The following HMBOX1 variants were observed in gnomAD, a reference collection of about 807,000 sequenced individuals.
HMBOX1 encodes the protein homeobox-containing protein 1.
HMBOX1 carries 14 observed loss-of-function variants against 54.5 expected under a neutral mutation model. The ratio of observed to expected loss-of-function variants is 0.26; its 90% confidence interval spans 0.17 to 0.40. The LOEUF (loss-of-function observed/expected upper bound fraction) is 0.40, where lower values mean the gene tolerates loss of function less well. Among genes scored for constraint, HMBOX1 ranks in the 10% least tolerant of loss-of-function variants. The probability of loss-of-function intolerance (pLI) is 1.00; values close to 1 mark genes in which losing one functional copy is unlikely to be tolerated. For missense variants in HMBOX1, 332 were observed against 514.4 expected, an observed-to-expected ratio of 0.65 and a Z score of 3.43; for synonymous variants, 160 against 181.0, an observed-to-expected ratio of 0.88 and a Z score of 0.93.
intron 4 of HMBOX1, among the ~76,000 whole-genome samples, chr8:28,985,924 C>A (rs1415180193): frequency 6.8e-6 from 1 of 147,686 alleles, no homozygotes; most frequent in Non-Finnish European, 1.5e-5. Flanking sequence ...TGTCAATGAA[C>A]CTACACTGAC....
chr8:29,048,745 G>C, intron 8 of HMBOX1: 2 of 509,604 alleles, frequency 3.9e-6, no homozygotes, highest in South Asian at 2.9e-5. Context: ...CAGCAGCAGA[G>C]ACCCCAGAAT....
At chr8:28,980,837 G>A (rs971351222) in intron 4 of HMBOX1, among the ~76,000 whole-genome samples, 2 of 151,774 alleles carry the variant, frequency 1.3e-5, no homozygotes, top group Non-Finnish European at 2.9e-5. Flanking sequence ...AAAGTAACTG[G>A]GCATTAGTCG....
At chr8:28,962,989 C>G (rs1586128640) in intron 1 of HMBOX1, among the ~76,000 whole-genome samples, 5 of 152,024 alleles carry the variant, frequency 3.3e-5, no homozygotes, top group Non-Finnish European at 5.9e-5. Context: ...TATATTTTAA[C>G]TGAATTTGAG....
At chr8:28,984,992 G>T (rs1829957242) in intron 4 of HMBOX1, among the ~76,000 whole-genome samples, 1 of 152,172 alleles carries the variant, frequency 6.6e-6, no homozygotes, top group Non-Finnish European at 1.5e-5. Context: ...GTAGTATAAT[G>T]AAGAAGTAAC....
At chr8:28,960,369 A>G (rs1563471228) in intron 1 of HMBOX1, among the ~76,000 whole-genome samples, 1 of 151,566 alleles carries the variant, frequency 6.6e-6, no homozygotes, top group Non-Finnish European at 1.5e-5. Flanking sequence ...ATAAGTAGTT[A>G]TTTTTGTACA....
At chr8:29,048,137 A>ATATT (rs1183785354) in intron 8 of HMBOX1, among the ~76,000 whole-genome samples, 2 of 152,192 alleles carry the variant, frequency 1.3e-5, no homozygotes, top group Admixed American at 6.5e-5. Context: ...TATGACTTAA[A>ATATT]TATTAGGAAA....
chr8:29,051,284 C>T lies in HMBOX1; in HGVS notation c.*129C>T. On this transcript the variant is annotated 3_prime_UTR_variant, in exon 10 of 10. Transcript: ENST00000287701. ...TTGTATGTCAGGTAGCTGTTAGGGT[C>T]TTGTTCTGTGAAGATGGCATGGTGC... 1.0e-6 allele frequency: 1 copy of T among 996,544 alleles called. No homozygotes were observed. Among genetic ancestry groups the T allele is most frequent in the Middle Eastern group, 2.3e-4 (1 of 4,340 alleles). 61.7% of individuals were successfully genotyped at this position (996,544 alleles called of 1,614,324 possible). A position where few individuals can be genotyped will look rare whatever the true frequency, so the allele number is the denominator to read the frequency against.
chr8:28,907,414 G>C (rs1236153917), intron 1 of HMBOX1, among the ~76,000 whole-genome samples: 5 of 152,240 alleles, frequency 3.3e-5, no homozygotes, highest in Middle Eastern at 3.4e-3. Flanking sequence ...TTAGTTCATT[G>C]TGCTCAAATA....
At chr8:28,963,775 A>G (rs1825987094) in intron 1 of HMBOX1, 36 bp from the exon 2 acceptor site, 1 of 1,040,406 alleles carries the variant, frequency 9.6e-7, no homozygotes, top group Non-Finnish European at 1.4e-6. Context: ...CTTGATTAAC[A>G]TAAATGTTTC....
intron 5 of HMBOX1, among the ~76,000 whole-genome samples, chr8:29,014,505 TAG>T (rs1834703114): frequency 6.6e-6 from 1 of 152,186 alleles, no homozygotes; most frequent in Non-Finnish European, 1.5e-5. Flanking sequence ...CTGTTATTAA[TAG>T]AGTGTTTCCA....
chr8:28,930,846 A>G (rs28692627), intron 1 of HMBOX1, among the ~76,000 whole-genome samples: 4,383 of 152,180 alleles, frequency 0.029, 199 homozygotes, highest in African/African-American at 0.1. Context: ...GCATCCTTAA[A>G]TTATTGTTTG....
intron 3 of HMBOX1, among the ~76,000 whole-genome samples, chr8:28,976,490 A>G (rs745687189): frequency 6.6e-6 from 1 of 151,744 alleles, no homozygotes; most frequent in Non-Finnish European, 1.5e-5. Context: ...GTTTCAAGCA[A>G]TTTTCCTGTC....
At chr8:28,952,586 TA>T (rs1563455252) in intron 1 of HMBOX1, among the ~76,000 whole-genome samples, 1 of 152,104 alleles carries the variant, frequency 6.6e-6, no homozygotes, top group African/African-American at 2.4e-5. Flanking sequence ...TGCTGATTTT[TA>T]AAAAGGCTGA....
intron 1 of HMBOX1, among the ~76,000 whole-genome samples, chr8:28,898,471 C>T (rs4732657): frequency 0.62 from 93,815 of 152,062 alleles, 29,349 homozygotes; most frequent in Admixed American, 0.7. Flanking sequence ...GCTTCAAGGA[C>T]AGGCGTTGTA....
intron 1 of HMBOX1, among the ~76,000 whole-genome samples, chr8:28,925,136 A>G (rs1818229225): frequency 1.3e-5 from 2 of 152,150 alleles, no homozygotes; most frequent in South Asian, 4.1e-4. Context: ...TAAAAGAATA[A>G]TATTATGTGA....
intron 1 of HMBOX1, among the ~76,000 whole-genome samples, chr8:28,959,117 C>G (rs1413559618): frequency 2.0e-5 from 3 of 152,010 alleles, no homozygotes; most frequent in Non-Finnish European, 4.4e-5. Context: ...TCTTATAGAT[C>G]TTAGTAATCT....
chr8:28,993,668 C>T (rs1176832702), intron 4 of HMBOX1, among the ~76,000 whole-genome samples: 2 of 151,970 alleles, frequency 1.3e-5, no homozygotes, highest in African/African-American at 2.4e-5. Context: ...AAAAAAATTC[C>T]AGCACCAATT....
chr8:28,893,308 C>T (rs1031180083), intron 1 of HMBOX1, among the ~76,000 whole-genome samples: 1 of 152,094 alleles, frequency 6.6e-6, no homozygotes, highest in Non-Finnish European at 1.5e-5. Context: ...ATATGGTTTA[C>T]AAATAAAGTA....
At chr8:28,946,917 G>T (rs1280067791) in intron 1 of HMBOX1, among the ~76,000 whole-genome samples, 1 of 152,184 alleles carries the variant, frequency 6.6e-6, no homozygotes. Context: ...CCAGGAGCTT[G>T]TCAGTAGGTA....
Sources: allele counts gnomAD v4.1 joint callset (sites outside exome capture counted in the v4.1 genomes callset), GRCh38; gene constraint gnomAD v4.1.1; transcripts MANE v1.5; gene names NCBI Gene and HGNC (gene_info 2026-07-23, HGNC 2026-07-21).